The following SDK1 variants were observed in gnomAD, a reference collection of about 807,000 sequenced individuals.
The protein encoded by SDK1 is protein sidekick-1.
In SDK1, 157 loss-of-function variants were observed where a neutral mutation model predicts 245.5. That is an observed-to-expected ratio of 0.64 (90% confidence interval 0.56 to 0.73). SDK1 has a LOEUF of 0.73. Among genes scored for constraint, SDK1 ranks in the 30% least tolerant of loss-of-function variants. SDK1 has a pLI of 0.00. For synonymous variants in SDK1, 1,647 were observed against 1,278.5 expected (o/e 1.29, Z -6.15); for missense variants, 3,583 against 3,002.3 (o/e 1.19, Z -4.52).
chr7:4,233,169 G>T, intron 40 of SDK1, 86 bp from the exon 41 acceptor site: 1 of 1,355,702 alleles, frequency 7.4e-7, no homozygotes. Flanking sequence ...GCTGCTGCAA[G>T]CCGACCCACC....
intron 32 of SDK1, 71 bp from the exon 33 acceptor site, chr7:4,174,151 A>G (rs995486464): frequency 3.9e-6 from 6 of 1,542,888 alleles, no homozygotes; most frequent in African/African-American, 1.4e-5. Context: ...ACAGGGGTGG[A>G]GGTGAGCCCT....
At chr7:4,210,816 C>T (rs906480168) in intron 38 of SDK1, among the ~76,000 whole-genome samples, 17 of 152,218 alleles carry the variant, frequency 1.1e-4, no homozygotes, top group Non-Finnish European at 2.4e-4. Flanking sequence ...AGGTAACACA[C>T]AGGTAATTAA....
rs1016746820 is a variant in SDK1 at position 3,488,736 on chromosome 7, G to T, written c.299-130344G>T. On this transcript the variant is annotated intron_variant, in intron 1 of 44. Coordinates refer to ENST00000404826, the MANE Select transcript of SDK1 (RefSeq NM_152744.4). ...GGTAATTTTAGAGGTTGTTAACTGG[G>T]GGCCTCAGTAGCATCATCAAAAACC... 6.6e-5 allele frequency among the ~76,000 whole-genome samples: 10 copies of T among 152,050 alleles called. No homozygotes were observed. The South Asian group carries it at 2.1e-3, about 32-fold the overall frequency.
intron 5 of SDK1, among the ~76,000 whole-genome samples, chr7:3,909,419 C>T (rs1185973817): frequency 2.6e-5 from 4 of 152,184 alleles, no homozygotes; most frequent in Admixed American, 2.6e-4. Flanking sequence ...TAGCCTCTGC[C>T]CATCCTGAGG....
chr7:3,832,121 G>A (rs182832915), intron 5 of SDK1, among the ~76,000 whole-genome samples: 18 of 152,196 alleles, frequency 1.2e-4, no homozygotes, highest in Admixed American at 4.6e-4. Context: ...GAGGCCATAA[G>A]GTCAGTATTA....
intron 1 of SDK1, among the ~76,000 whole-genome samples, chr7:3,593,288 T>A (rs1175054256): frequency 6.6e-6 from 1 of 152,098 alleles, no homozygotes. Context: ...TGTGCTTCCC[T>A]TTCTGGTGTA....
chr7:3,453,023 G>C (rs373137978), intron 1 of SDK1, among the ~76,000 whole-genome samples: 2 of 152,068 alleles, frequency 1.3e-5, no homozygotes, highest in Non-Finnish European at 2.9e-5. Context: ...TCCCCGTCTT[G>C]CCATTGCCTC....
intron 1 of SDK1, among the ~76,000 whole-genome samples, chr7:3,595,237 TTA>T (rs951314293): frequency 6.6e-6 from 1 of 152,076 alleles, no homozygotes; most frequent in South Asian, 2.1e-4. Context: ...TTGCTTGTAA[TTA>T]TATATATATT....
At chr7:4,230,313 G>A (rs985270525) in intron 40 of SDK1, among the ~76,000 whole-genome samples, 6 of 148,690 alleles carry the variant, frequency 4.0e-5, no homozygotes, top group Non-Finnish European at 9.0e-5. Flanking sequence ...ATTGATGAAG[G>A]AAGGATGAAT....
chr7:3,646,600 T>G (rs1782845248), intron 4 of SDK1, among the ~76,000 whole-genome samples: 1 of 152,216 alleles, frequency 6.6e-6, no homozygotes, highest in Non-Finnish European at 1.5e-5. Flanking sequence ...TGACACTCAG[T>G]CTCATGCTCA....
At chr7:3,576,680 G>C (rs1379653172) in intron 1 of SDK1, among the ~76,000 whole-genome samples, 2 of 151,984 alleles carry the variant, frequency 1.3e-5, no homozygotes, top group Admixed American at 1.3e-4. Flanking sequence ...TGTGACTTAT[G>C]CATGGTGTGT....
chr7:4,129,634 G>C (rs555235311), intron 26 of SDK1: 5 of 1,312,018 alleles, frequency 3.8e-6, no homozygotes, highest in South Asian at 1.9e-5. Context: ...GGCTGCAGTT[G>C]GGCCCTCAGA....
intron 4 of SDK1, among the ~76,000 whole-genome samples, chr7:3,725,189 A>T (rs906940351): frequency 1.2e-4 from 18 of 152,334 alleles, no homozygotes; most frequent in Non-Finnish European, 8.8e-5. Context: ...TTGCTAGAAG[A>T]AAATCTGCCC....
At chr7:3,446,852 C>T (rs1024158556) in intron 1 of SDK1, among the ~76,000 whole-genome samples, 3 of 152,076 alleles carry the variant, frequency 2.0e-5, no homozygotes, top group African/African-American at 4.8e-5. Flanking sequence ...TTATTGCTTT[C>T]CCATGTGTTT....
At position 4,221,246 on chromosome 7, in the gene SDK1, G is replaced by A. The variant is rs148962167; in HGVS notation, c.5709G>A (p.Pro1903=). The part of the protein sequence containing the change: ...NITAGPAEGS[P]GSPRDVLVTK... Reference sequence around the variant, plus strand: ...TTCTTCTTTATCCCGCAGGATCCCCGGGCTCGCCTAGAGATGTCCTGGTCA... The same window carrying A: ...TTCTTCTTTATCCCGCAGGATCCCCAGGCTCGCCTAGAGATGTCCTGGTCA... The change falls in exon 40 of 45, where the codon CCG becomes CCA. Residue 1903 remains proline (P), a synonymous_variant. Transcript: ENST00000404826. The A allele has an allele frequency of 3.2e-4, 521 of 1,613,406 alleles. 1 individual carries two copies. In the African/African-American group the frequency reaches 5.6e-3, roughly 17 times the overall value.
chr7:3,514,470 G>C (rs1298273594), intron 1 of SDK1, among the ~76,000 whole-genome samples: 1 of 152,172 alleles, frequency 6.6e-6, no homozygotes, highest in African/African-American at 2.4e-5. Flanking sequence ...CTTAAATGTA[G>C]AGAGGTAGAT....
chr7:4,189,500 C>T (rs1562408754), intron 35 of SDK1, among the ~76,000 whole-genome samples: 1 of 152,188 alleles, frequency 6.6e-6, no homozygotes, highest in Non-Finnish European at 1.5e-5. Context: ...TGGCCTTTAG[C>T]CCCGCAACTT....
intron 5 of SDK1, among the ~76,000 whole-genome samples, chr7:3,949,468 G>A (rs1181190636): frequency 6.6e-6 from 1 of 152,214 alleles, no homozygotes; most frequent in East Asian, 1.9e-4. Context: ...CGCCAGCCGG[G>A]CAGGCTAGAA....
chr7:3,336,583 G>T lies in SDK1; in HGVS notation c.298+34699G>T, dbSNP rs563292029. 3.9e-4 allele frequency among the ~76,000 whole-genome samples: 60 copies of T among 152,230 alleles called. 1 individual carries two copies. The South Asian group carries it at 0.012, about 30-fold the overall frequency. ...GTGGCAAATGAGGTATGGAGGAGCG[G>T]AGCATGCTGGCACTCCCCACCTCCC... On this transcript the variant is annotated intron_variant, in intron 1 of 44. Coordinates refer to ENST00000404826, the MANE Select transcript of SDK1 (RefSeq NM_152744.4).
Sources: gnomAD v4.1 joint callset for allele counts (sites outside exome capture counted in the v4.1 genomes callset) on GRCh38, gnomAD v4.1.1 for gene constraint, MANE v1.5 for transcripts, NCBI Gene and HGNC (gene_info 2026-07-23, HGNC 2026-07-21) for gene names.